The following TAFA1 variants were observed in gnomAD, a reference collection of about 807,000 sequenced individuals.
TAFA1 encodes the protein TAFA chemokine like family member 1.
TAFA1 carries 4 observed loss-of-function variants against 18.5 expected under a neutral mutation model. That is an observed-to-expected ratio of 0.22 (90% CI 0.11 to 0.49). The LOEUF (loss-of-function observed/expected upper bound fraction) is 0.49. Ranked by LOEUF, TAFA1 falls within the 20% of genes least tolerant of loss-of-function variation. TAFA1 has a pLI of 0.98. For missense variants in TAFA1, 147 were observed against 169.0 expected, an observed-to-expected ratio of 0.87 and a Z score of 0.72; for synonymous variants, 56 against 55.2, an observed-to-expected ratio of 1.01 and a Z score of -0.06.
chr3:68,171,193 T>A (rs2066049166), intron 2 of TAFA1, among the ~76,000 whole-genome samples: 1 of 151,740 alleles, frequency 6.6e-6, no homozygotes, highest in South Asian at 2.1e-4. Context: ...AAGAGGGAGG[T>A]AAAAGAGTTA....
intron 3 of TAFA1, among the ~76,000 whole-genome samples, chr3:68,517,074 A>C (rs556929043): frequency 2.0e-5 from 3 of 152,074 alleles, no homozygotes; most frequent in Non-Finnish European, 4.4e-5. Context: ...GCGCCTGGCC[A>C]ATTGTTCCTG....
At chr3:68,009,053 A>G (rs78310433) in intron 2 of TAFA1, among the ~76,000 whole-genome samples, 7,664 of 152,284 alleles carry the variant, frequency 0.05, 352 homozygotes, top group East Asian at 0.13. Context: ...CCCACAAGCC[A>G]GGGATGTTTG....
intron 2 of TAFA1, among the ~76,000 whole-genome samples, chr3:68,108,849 A>G (rs956042685): frequency 1.3e-5 from 2 of 152,144 alleles, no homozygotes; most frequent in Non-Finnish European, 2.9e-5. Flanking sequence ...AGAAGTAGAA[A>G]ATAATATTTA....
intron 3 of TAFA1, among the ~76,000 whole-genome samples, chr3:68,494,830 A>G (rs951832323): frequency 3.3e-5 from 5 of 152,224 alleles, no homozygotes; most frequent in African/African-American, 9.6e-5. Flanking sequence ...AAAACATACA[A>G]TGCACTTAAA....
At chr3:68,298,173 C>A (rs1399902057) in intron 2 of TAFA1, among the ~76,000 whole-genome samples, 1 of 152,148 alleles carries the variant, frequency 6.6e-6, no homozygotes, top group African/African-American at 2.4e-5. Flanking sequence ...GAACACAGGG[C>A]AAGCTAATGA....
intron 3 of TAFA1, among the ~76,000 whole-genome samples, chr3:68,502,793 A>G (rs2072680334): frequency 6.6e-6 from 1 of 152,064 alleles, no homozygotes; most frequent in Admixed American, 6.6e-5. Context: ...AGGTCTGAAG[A>G]TTTTCCCCAC....
intron 2 of TAFA1, among the ~76,000 whole-genome samples, chr3:68,300,436 T>C (rs1171286946): frequency 1.3e-5 from 2 of 152,234 alleles, no homozygotes; most frequent in Non-Finnish European, 2.9e-5. Flanking sequence ...ACCCCCATTG[T>C]ATCTTGGAAG....
chr3:68,088,743 T>C (rs901124408), intron 2 of TAFA1, among the ~76,000 whole-genome samples: 1 of 152,140 alleles, frequency 6.6e-6, no homozygotes, highest in African/African-American at 2.4e-5. Flanking sequence ...ATATATAAAA[T>C]TCTAAAAGAT....
chr3:68,423,896 C>G (rs925387972), intron 3 of TAFA1, among the ~76,000 whole-genome samples: 8 of 151,898 alleles, frequency 5.3e-5, no homozygotes, highest in Non-Finnish European at 1.0e-4. Context: ...AGAAGTCTTT[C>G]TTCTCATTCC....
intron 2 of TAFA1, among the ~76,000 whole-genome samples, chr3:68,409,661 A>G (rs946683976): frequency 6.6e-6 from 1 of 152,184 alleles, no homozygotes; most frequent in Non-Finnish European, 1.5e-5. Flanking sequence ...AAACAGACTA[A>G]TACAATCACC....
intron 3 of TAFA1, among the ~76,000 whole-genome samples, chr3:68,531,560 G>A (rs2073188918): frequency 6.6e-6 from 1 of 152,048 alleles, no homozygotes; most frequent in Non-Finnish European, 1.5e-5. Flanking sequence ...ATGCTCATTT[G>A]AGGCATTTTT....
In TAFA1 at chr3:68,104,380, T is replaced by G. The variant is rs141770220; in HGVS notation, c.118+97636T>G. Among the ~76,000 whole-genome samples the G allele has an allele frequency of 1.7e-3, 264 of 152,156 alleles. 2 individuals are homozygous for G. The highest frequency in any genetic ancestry group is 5.5e-3 in the African/African-American group (228 of 41,556). On this transcript the variant is annotated intron_variant, in intron 2 of 4. Coordinates refer to ENST00000478136, the MANE Select transcript of TAFA1 (RefSeq NM_213609.4). ...ATGTGGAAAATATATGTAAAAATTG[T>G]AAAATATATTAACAGAAAAATTTAT... is the stretch of plus-strand genomic sequence containing the variant.
chr3:68,297,485 C>T (rs1425051397), intron 2 of TAFA1, among the ~76,000 whole-genome samples: 1 of 152,178 alleles, frequency 6.6e-6, no homozygotes, highest in Non-Finnish European at 1.5e-5. Context: ...GAGATTCTGA[C>T]TCCACAGATC....
At chr3:68,228,543 C>A (rs1415277942) in intron 2 of TAFA1, among the ~76,000 whole-genome samples, 2 of 152,210 alleles carry the variant, frequency 1.3e-5, no homozygotes, top group Non-Finnish European at 2.9e-5. Context: ...ACTTTTACTT[C>A]TTTCATTTAC....
At chr3:68,473,243 A>C (rs1481419479) in intron 3 of TAFA1, among the ~76,000 whole-genome samples, 2 of 152,152 alleles carry the variant, frequency 1.3e-5, no homozygotes, top group Admixed American at 1.3e-4. Flanking sequence ...CCTCTCACTC[A>C]CTGTAGCTAG....
At chr3:68,325,400 G>T (rs1162192303) in intron 2 of TAFA1, among the ~76,000 whole-genome samples, 1 of 152,094 alleles carries the variant, frequency 6.6e-6, no homozygotes, top group Non-Finnish European at 1.5e-5. Flanking sequence ...GTAAACTAAG[G>T]GTGAATAGTA....
intron 2 of TAFA1, among the ~76,000 whole-genome samples, chr3:68,331,926 C>T (rs6763500): frequency 0.38 from 53,361 of 138,994 alleles, 10,375 homozygotes; most frequent in East Asian, 0.63. Context: ...TGCAGTGGCG[C>T]GATCTCAGCT....
rs967589717 is a variant in TAFA1 at position 68,351,249 on chromosome 3, G to A, written c.119-66031G>A. 1.1e-4 allele frequency among the ~76,000 whole-genome samples: 17 copies of A among 152,080 alleles called. 1 individual carries two copies. The highest frequency in any genetic ancestry group is 8.3e-4 in the South Asian group (4 of 4,830). On this transcript the variant is annotated intron_variant, in intron 2 of 4. Transcript: ENST00000478136. ...TTACTTAATTAAAAGAGTAACCTGGGTTGCTTGTTGAAAGTGGAAGGTCTC... is the reference window on the plus strand; with the variant it reads ...TTACTTAATTAAAAGAGTAACCTGGATTGCTTGTTGAAAGTGGAAGGTCTC...
chr3:68,019,968 C>T (rs1160099073), intron 2 of TAFA1, among the ~76,000 whole-genome samples: 1 of 152,192 alleles, frequency 6.6e-6, no homozygotes, highest in East Asian at 1.9e-4. Flanking sequence ...GTTCTCCAGT[C>T]ATTGAGTAAT....
Sources: allele counts gnomAD v4.1 joint callset (sites outside exome capture counted in the v4.1 genomes callset), GRCh38; gene constraint gnomAD v4.1.1; transcripts MANE v1.5; gene names NCBI Gene and HGNC (gene_info 2026-07-23, HGNC 2026-07-21).